GALNT18: variants seen among roughly 807,000 people sequenced by gnomAD.
GALNT18 encodes the protein polypeptide N-acetylgalactosaminyltransferase 18.
GALNT18 carries 44 observed loss-of-function variants against 69.5 expected under a neutral mutation model. The ratio of observed to expected loss-of-function variants is 0.63; its 90% CI spans 0.50 to 0.81. The LOEUF is 0.81. Among genes scored for constraint, GALNT18 ranks in the 40% least tolerant of loss-of-function variants. The probability of loss-of-function intolerance (pLI) is 0.00; values close to 1 mark genes in which losing one functional copy is unlikely to be tolerated. For missense variants in GALNT18, 715 were observed against 810.0 expected (o/e 0.88, Z 1.42); for synonymous variants, 364 against 318.2 (o/e 1.14, Z -1.53).
rs1854494305 is a variant in GALNT18 at position 11,402,673 on chromosome 11, C to T, written c.596-23409G>A. 6.6e-6 allele frequency among the ~76,000 whole-genome samples: 1 copy of T among 152,142 alleles called. No homozygotes were observed. Among genetic ancestry groups the T allele is most frequent in the Admixed American group, 6.5e-5 (1 of 15,276 alleles). ...CTTTTTCATGGATAGAGCCAGTGTC[C>T]CAAAAACTCTTTAAGGAACTATAAA... On this transcript the variant is annotated intron_variant, in intron 3 of 10. Transcript: ENST00000227756. The surrounding 1 kb of genome is among the most constrained non-coding windows in gnomAD (Gnocchi z 4.0).
chr11:11,570,495 C>A (rs1024314461), intron 1 of GALNT18, among the ~76,000 whole-genome samples: 2 of 152,236 alleles, frequency 1.3e-5, no homozygotes, highest in Admixed American at 1.3e-4. Context: ...CTTGAACACA[C>A]CATAACATAC....
intron 10 of GALNT18, among the ~76,000 whole-genome samples, chr11:11,290,932 T>C (rs1256537669): frequency 6.6e-6 from 1 of 152,164 alleles, no homozygotes; most frequent in African/African-American, 2.4e-5. Context: ...GAATATGCAC[T>C]CAGGACCCTG....
Position 11,555,207 on chromosome 11 carries a change from C to T in GALNT18, c.235+66152G>A, listed in dbSNP as rs1009886788. ...GGCTGCTCAGGGCGGGGGTGCCTAT[C>T]CCCACCCCACCATTCATGCCAGCCA... is the stretch of plus-strand genomic sequence containing the variant. On this transcript the variant is annotated intron_variant, in intron 1 of 10. Transcript: ENST00000227756. The surrounding 1 kb of genome is among the most constrained non-coding windows in gnomAD (Gnocchi z 4.7). 6.6e-5 allele frequency among the ~76,000 whole-genome samples: 10 copies of T among 152,154 alleles called. No individual in the cohort carries two copies. Among genetic ancestry groups the T allele is most frequent in the Admixed American group, 5.9e-4 (9 of 15,286 alleles).
intron 1 of GALNT18, among the ~76,000 whole-genome samples, chr11:11,588,611 G>C (rs7119128): frequency 6.6e-6 from 1 of 152,270 alleles, no homozygotes; most frequent in Non-Finnish European, 1.5e-5. Context: ...AGACTCAGGG[G>C]TGCTGTTAAG....
In GALNT18 at chr11:11,461,059, C is replaced by T. The variant is rs965310474; in HGVS notation, c.236-12123G>A. 6.6e-6 allele frequency among the ~76,000 whole-genome samples: 1 copy of T among 152,134 alleles called. No individual in the cohort carries two copies. Among genetic ancestry groups the T allele is most frequent in the African/African-American group, 2.4e-5 (1 of 41,436 alleles). On this transcript the variant is annotated intron_variant, in intron 1 of 10. Transcript: ENST00000227756. This position sits in a 1 kb window ranked among gnomAD's most constrained non-coding sequence, Gnocchi z 4.1. ...AAGGGTGGTGGGTCCCAGCAAAAGA[C>T]CAGAGTCAGTTCAGTCCGGGCTGAC... is the stretch of plus-strand genomic sequence containing the variant.
chr11:11,284,908 G>GTTTTTT (rs58795517), intron 10 of GALNT18, among the ~76,000 whole-genome samples: 4,949 of 82,240 alleles, frequency 0.06, 611 homozygotes, highest in African/African-American at 0.15. Context: ...AGACTTTCGT[G>GTTTTTT]TTTTTTTTTT....
In GALNT18 at chr11:11,337,852, A is replaced by C. The variant is rs962383295; in HGVS notation, c.1278+2967T>G. The stretch of plus-strand genomic sequence containing the variant: ...GTGGTAGGCAGTGGGATTAAAATAC[A>C]GGCAGTGGGGTTAAAATACAGGCAG... On this transcript the variant is annotated intron_variant, in intron 7 of 10. Transcript: ENST00000227756. The surrounding 1 kb of genome is among the most constrained non-coding windows in gnomAD (Gnocchi z 4.9). Among the ~76,000 whole-genome samples the C allele has an allele frequency of 6.6e-6, 1 of 152,152 alleles. No individual in the cohort carries two copies. Among genetic ancestry groups the C allele is most frequent in the South Asian group, 2.1e-4 (1 of 4,834 alleles).
rs142570201 is a variant in GALNT18, at chr11:11,471,838, C to A, written c.236-22902G>T. Among the ~76,000 whole-genome samples the A allele has an allele frequency of 1.1e-3, 167 of 152,340 alleles. 4 individuals are homozygous for A. The highest frequency in any genetic ancestry group is 3.9e-3 in the African/African-American group (161 of 41,576). Reference sequence around the variant, plus strand: ...GTCAGTCCCCTTGGCTCCTGCCCTGCCCAGGACCTGACTGGATGTCTGTTT... The same window carrying A: ...GTCAGTCCCCTTGGCTCCTGCCCTGACCAGGACCTGACTGGATGTCTGTTT... On this transcript the variant is annotated intron_variant, in intron 1 of 10. Transcript: ENST00000227756.
intron 1 of GALNT18, among the ~76,000 whole-genome samples, chr11:11,506,721 C>T (rs144634041): frequency 4.6e-5 from 7 of 152,306 alleles, no homozygotes; most frequent in East Asian, 3.9e-4. Flanking sequence ...GAAGACTATG[C>T]TGCTTCCAGA....
intron 5 of GALNT18, among the ~76,000 whole-genome samples, chr11:11,375,230 G>A (rs1310343710): frequency 6.6e-6 from 1 of 152,192 alleles, no homozygotes; most frequent in African/African-American, 2.4e-5. Context: ...GCTTTCTGTG[G>A]AGCTGTCTTC....
At chr11:11,551,137 T>C (rs558157689) in intron 1 of GALNT18, among the ~76,000 whole-genome samples, 22 of 151,252 alleles carry the variant, frequency 1.5e-4, no homozygotes, top group Admixed American at 1.1e-3. Context: ...ATTTTTCAGA[T>C]ACTCTATAAC....
intron 1 of GALNT18, among the ~76,000 whole-genome samples, chr11:11,473,214 T>C (rs1368539271): frequency 6.6e-6 from 1 of 152,188 alleles, no homozygotes; most frequent in Non-Finnish European, 1.5e-5. Flanking sequence ...TAGAATTCAA[T>C]AGGGCTACTG....
intron 10 of GALNT18, among the ~76,000 whole-genome samples, chr11:11,278,337 G>A (rs1848992150): frequency 6.7e-6 from 1 of 148,524 alleles, no homozygotes; most frequent in African/African-American, 2.5e-5. Context: ...ACACGGCAGG[G>A]AAGGCATCAC....
At chr11:11,438,088 C>G (rs964205534) in intron 2 of GALNT18, among the ~76,000 whole-genome samples, 1 of 152,212 alleles carries the variant, frequency 6.6e-6, no homozygotes, top group Non-Finnish European at 1.5e-5. Flanking sequence ...AGGATCGGCA[C>G]TGTCTTCTTG....
chr11:11,392,791 C>T (rs4910333), intron 3 of GALNT18, among the ~76,000 whole-genome samples: 12,350 of 152,144 alleles, frequency 0.081, 701 homozygotes, highest in Admixed American at 0.15. Context: ...TTACAGCCAT[C>T]TTTTTAAATT....
At chr11:11,419,207 C>G (rs1384376151) in intron 3 of GALNT18, among the ~76,000 whole-genome samples, 1 of 152,206 alleles carries the variant, frequency 6.6e-6, no homozygotes, top group Non-Finnish European at 1.5e-5. Context: ...GAAAAACTAG[C>G]CTTCTGTTAG....
At chr11:11,343,581 C>T (rs979441092) in intron 6 of GALNT18, among the ~76,000 whole-genome samples, 1 of 152,108 alleles carries the variant, frequency 6.6e-6, no homozygotes, top group Non-Finnish European at 1.5e-5. Flanking sequence ...CCTCCATTCC[C>T]AAGACCTGTA....
intron 1 of GALNT18, among the ~76,000 whole-genome samples, chr11:11,457,284 C>A (rs766630231): frequency 1.3e-5 from 2 of 152,204 alleles, no homozygotes; most frequent in Admixed American, 6.5e-5. Context: ...CTAGGTCTGA[C>A]TGCCTCACCT....
intron 1 of GALNT18, among the ~76,000 whole-genome samples, chr11:11,526,662 C>T (rs1281595811): frequency 6.6e-6 from 1 of 152,172 alleles, no homozygotes; most frequent in Non-Finnish European, 1.5e-5. Context: ...AGGATCTCTG[C>T]TCCTGTGTCA....
Sources: allele counts gnomAD v4.1 joint callset (sites outside exome capture counted in the v4.1 genomes callset), GRCh38; gene constraint gnomAD v4.1.1; non-coding constraint Gnocchi (gnomAD v3.1); transcripts MANE v1.5; gene names NCBI Gene and HGNC (gene_info 2026-07-23, HGNC 2026-07-21).